TMPRSS12: variants seen among roughly 807,000 people sequenced by gnomAD.
The protein encoded by TMPRSS12 is transmembrane protease serine 12.
TMPRSS12 carries 25 observed loss-of-function variants against 26.0 expected under a neutral mutation model. The observed-to-expected ratio is 0.96, with a 90% CI of 0.70 to 1.34. The LOEUF (loss-of-function observed/expected upper bound fraction) is 1.34, where lower values mean the gene tolerates loss of function less well. Ranked by LOEUF, TMPRSS12 falls within the 40% of genes most tolerant of loss-of-function variation. The probability of loss-of-function intolerance (pLI) is 0.00; values close to 1 mark genes in which losing one functional copy is unlikely to be tolerated. For synonymous variants in TMPRSS12, 150 were observed against 161.7 expected, an observed-to-expected ratio of 0.93 and a Z score of 0.55; for missense variants, 441 against 440.1, an observed-to-expected ratio of 1.00 and a Z score of -0.02.
chr12:50,873,549 A>G (rs1262797115), intron 3 of TMPRSS12, among the ~76,000 whole-genome samples: 1 of 152,200 alleles, frequency 6.6e-6, no homozygotes, highest in African/African-American at 2.4e-5. Context: ...GGGAAGTATA[A>G]GACGTAAGAA....
chr12:50,850,688 G>A (rs1034741318), intron 2 of TMPRSS12, among the ~76,000 whole-genome samples: 16 of 152,238 alleles, frequency 1.1e-4, no homozygotes, highest in African/African-American at 3.6e-4. Flanking sequence ...TCCACCACCA[G>A]TGCACACACA....
At chr12:50,864,904 C>A (rs574085499) in intron 3 of TMPRSS12, among the ~76,000 whole-genome samples, 13 of 152,226 alleles carry the variant, frequency 8.5e-5, no homozygotes, top group Middle Eastern at 3.4e-3. Flanking sequence ...CGTGATCCAC[C>A]CACCTCGGCC....
intron 4 of TMPRSS12, chr12:50,886,936 T>G (rs908187366): frequency 4.3e-6 from 1 of 231,626 alleles, no homozygotes; most frequent in African/African-American, 2.3e-5. Context: ...TGACAATATT[T>G]TGCACACTTC....
At chr12:50,882,035 A>ATATATATATATATG (rs1565938106) in intron 3 of TMPRSS12, among the ~76,000 whole-genome samples, 1 of 119,060 alleles carries the variant, frequency 8.4e-6, no homozygotes. Flanking sequence ...ATATATATAT[A>ATATATATATATATG]TATATATGTT....
At chr12:50,864,747 T>C (rs535845043) in intron 3 of TMPRSS12, among the ~76,000 whole-genome samples, 2 of 152,212 alleles carry the variant, frequency 1.3e-5, no homozygotes, top group South Asian at 4.1e-4. Context: ...AAGCTCCACC[T>C]CCAGGGTTCA....
chr12:50,847,462 GTTTT>G (rs532899835), intron 2 of TMPRSS12, among the ~76,000 whole-genome samples: 4 of 151,698 alleles, frequency 2.6e-5, no homozygotes, highest in African/African-American at 9.7e-5. Flanking sequence ...TCATCCTTTT[GTTTT>G]TTTTATTTTT....
chr12:50,872,446 G>A (rs1310107977), intron 3 of TMPRSS12, among the ~76,000 whole-genome samples: 1 of 142,208 alleles, frequency 7.0e-6, no homozygotes, highest in Admixed American at 7.2e-5. Context: ...CCGGGAAGCG[G>A]AGCTTGCAGT....
intron 3 of TMPRSS12, among the ~76,000 whole-genome samples, chr12:50,866,569 C>T (rs1485254285): frequency 6.6e-6 from 1 of 151,258 alleles, no homozygotes; most frequent in Non-Finnish European, 1.5e-5. Context: ...AGACAAAGGG[C>T]ATATACCCTT....
chr12:50,862,358 C>A (rs1176123180), intron 3 of TMPRSS12, among the ~76,000 whole-genome samples: 1 of 151,938 alleles, frequency 6.6e-6, no homozygotes, highest in Admixed American at 6.6e-5. Context: ...AGGGTATTCG[C>A]CAAAATGTTA....
chr12:50,868,000 A>T (rs1163497940), intron 3 of TMPRSS12, among the ~76,000 whole-genome samples: 2 of 152,234 alleles, frequency 1.3e-5, no homozygotes, highest in Non-Finnish European at 2.9e-5. Flanking sequence ...CAAATCCTGG[A>T]AACACATCAA....
chr12:50,869,492 A>G (rs1375866840), intron 3 of TMPRSS12, among the ~76,000 whole-genome samples: 1 of 152,208 alleles, frequency 6.6e-6, no homozygotes, highest in Non-Finnish European at 1.5e-5. Flanking sequence ...AAGTAGCGAG[A>G]TTGAAATGGT....
chr12:50,887,148 T>C (rs929212362), intron 4 of TMPRSS12, 114 bp from the exon 5 acceptor site: 32 of 1,124,104 alleles, frequency 2.8e-5, no homozygotes, highest in Middle Eastern at 2.2e-4. Context: ...TGGGGGTATA[T>C]TGAAAATGTG....
intron 3 of TMPRSS12, among the ~76,000 whole-genome samples, chr12:50,864,644 A>G (rs1937973071): frequency 6.6e-6 from 1 of 152,162 alleles, no homozygotes; most frequent in Non-Finnish European, 1.5e-5. Context: ...AAAATGAGCA[A>G]TAGACTATTG....
At chr12:50,859,811 T>C (rs768822706) in intron 3 of TMPRSS12, among the ~76,000 whole-genome samples, 1 of 152,244 alleles carries the variant, frequency 6.6e-6, no homozygotes, top group Non-Finnish European at 1.5e-5. Context: ...TCTAGGTTTA[T>C]GTAAGTGCAC....
chr12:50,851,653 C>A (rs1937827362), intron 2 of TMPRSS12, among the ~76,000 whole-genome samples: 1 of 152,178 alleles, frequency 6.6e-6, no homozygotes. Context: ...TTTCTGCAAC[C>A]TTGCTGGAGA....
In TMPRSS12 at chr12:50,872,916, T is replaced by A. The variant is rs906944791; in HGVS notation, c.653-12330T>A. On this transcript the variant is annotated intron_variant, in intron 3 of 4. Transcript: ENST00000398458. ...ATATGTACATATATATGACTATATA[T>A]GTACATATATGATGTATATATGTAC... is the stretch of plus-strand genomic sequence containing the variant. Among the ~76,000 whole-genome samples, 5 of 80,692 alleles carry A rather than the reference T, an allele frequency of 6.2e-5. 1 individual carries two copies. The highest frequency in any genetic ancestry group is 2.2e-4 in the African/African-American group (5 of 22,822). 52.9% of individuals were successfully genotyped at this position (80,692 alleles called of 152,430 possible).
At chr12:50,858,308 T>TC (rs1937901099) in intron 2 of TMPRSS12, among the ~76,000 whole-genome samples, 2 of 152,252 alleles carry the variant, frequency 1.3e-5, no homozygotes, top group African/African-American at 2.4e-5. Flanking sequence ...ACCTATACCC[T>TC]CACCATTCTC....
chr12:50,846,030 G>T (rs1937763550), intron 2 of TMPRSS12, among the ~76,000 whole-genome samples: 1 of 152,012 alleles, frequency 6.6e-6, no homozygotes, highest in African/African-American at 2.4e-5. Flanking sequence ...ATGTATTCTG[G>T]ATATTAATCT....
At chr12:50,864,568 A>G (rs1213948650) in intron 3 of TMPRSS12, among the ~76,000 whole-genome samples, 1 of 152,200 alleles carries the variant, frequency 6.6e-6, no homozygotes, top group African/African-American at 2.4e-5. Flanking sequence ...GACTTCAGAT[A>G]TTAATATTTT....
Sources: allele counts gnomAD v4.1 joint callset (sites outside exome capture counted in the v4.1 genomes callset), GRCh38; gene constraint gnomAD v4.1.1; transcripts MANE v1.5; gene names NCBI Gene and HGNC (gene_info 2026-07-23, HGNC 2026-07-21).